Variants in LRRFIP1 observed in about 807,000 individuals in gnomAD.
The protein encoded by LRRFIP1 is LRR binding FLII interacting protein 1.
LRRFIP1 carries 62 observed loss-of-function variants against 104.4 expected under a neutral mutation model. That is an observed-to-expected ratio of 0.59 (90% confidence interval 0.48 to 0.73). The LOEUF is 0.73. Ranked by LOEUF, LRRFIP1 falls within the 30% of genes least tolerant of loss-of-function variation. The pLI is 0.00. For synonymous variants in LRRFIP1, 300 were observed against 299.0 expected (o/e 1.00, Z -0.03); for missense variants, 796 against 824.5 (o/e 0.97, Z 0.42).
At chr2:237,724,269 T>C (rs1474989856) in intron 7 of LRRFIP1, among the ~76,000 whole-genome samples, 1 of 152,246 alleles carries the variant, frequency 6.6e-6, no homozygotes, top group Non-Finnish European at 1.5e-5. Context: ...ACTGAAGTTA[T>C]TGTAGCATAT....
In LRRFIP1 at chr2:237,741,057, T is replaced by A. The variant is rs145010568; in HGVS notation, c.633+1748T>A. Reference sequence around the variant, plus strand: ...TCTGCCCACCTGGCCTCACAGGCATTTGAGTTTGTGTTCCACCCCTCCCCA... The same window carrying A: ...TCTGCCCACCTGGCCTCACAGGCATATGAGTTTGTGTTCCACCCCTCCCCA... On this transcript the variant is annotated intron_variant, in intron 11 of 23. Coordinates refer to ENST00000308482, the MANE Select transcript of LRRFIP1 (RefSeq NM_001137550.2). Among the ~76,000 whole-genome samples the A allele has an allele frequency of 4.4e-3, 673 of 152,300 alleles. 8 individuals carry two copies. Among genetic ancestry groups the A allele is most frequent in the African/African-American group, 0.015 (638 of 41,572 alleles).
intron 1 of LRRFIP1, among the ~76,000 whole-genome samples, chr2:237,657,033 G>A (rs190561905): frequency 1.3e-5 from 2 of 152,190 alleles, no homozygotes; most frequent in Admixed American, 6.5e-5. Flanking sequence ...ATTTTCTGAA[G>A]AAGAGCCCCC....
At chr2:237,779,123 G>A (rs952468497) in intron 23 of LRRFIP1, among the ~76,000 whole-genome samples, 31 of 151,644 alleles carry the variant, frequency 2.0e-4, no homozygotes, top group African/African-American at 7.3e-4. Flanking sequence ...CTGAGGCAGG[G>A]GAATCGCTTG....
chr2:237,666,701 G>A (rs544489696), intron 1 of LRRFIP1, among the ~76,000 whole-genome samples: 13 of 152,140 alleles, frequency 8.5e-5, no homozygotes, highest in African/African-American at 2.7e-4. Flanking sequence ...TGTCCTTGAC[G>A]TCATAGAGTG....
Position 237,779,605 on chromosome 2 carries a change from G to A in LRRFIP1, c.*73G>A. The A allele has an allele frequency of 7.7e-7, 1 of 1,296,122 alleles. No homozygotes were observed. The highest frequency in any genetic ancestry group is 1.1e-6 in the Non-Finnish European group (1 of 909,144). The allele number at this position is 1,296,122 out of a possible 1,614,324, so 80.3% of individuals were successfully genotyped here. A position where few individuals can be genotyped will look rare whatever the true frequency, so the allele number is the denominator to read the frequency against. ...TCATAGGCTTTTCTCTGTCCTATCT[G>A]GGAGCGCTGCTTCTTCCCCTGCCTT... On this transcript the variant is annotated 3_prime_UTR_variant, in exon 24 of 24. Transcript: ENST00000308482.
chr2:237,687,652 G>A (rs1482970713), intron 1 of LRRFIP1, among the ~76,000 whole-genome samples: 3 of 149,388 alleles, frequency 2.0e-5, no homozygotes, highest in Non-Finnish European at 4.4e-5. Context: ...GCAATAACAT[G>A]AATGTAAGCT....
chr2:237,700,987 G>T (rs3754726), intron 1 of LRRFIP1, among the ~76,000 whole-genome samples: 38,057 of 152,176 alleles, frequency 0.25, 5,003 homozygotes, highest in East Asian at 0.36. Context: ...TCACCACAGA[G>T]TTTAAAAGCA....
At chr2:237,746,256 G>A (rs12466006) in intron 11 of LRRFIP1, among the ~76,000 whole-genome samples, 9,262 of 151,916 alleles carry the variant, frequency 0.061, 419 homozygotes, top group East Asian at 0.14. Flanking sequence ...ACAGGGTTTC[G>A]CCGTGTTGGC....
intron 16 of LRRFIP1, among the ~76,000 whole-genome samples, chr2:237,756,706 T>G (rs1448116161): frequency 6.6e-6 from 1 of 152,198 alleles, no homozygotes; most frequent in Non-Finnish European, 1.5e-5. Context: ...TGGTGAACAT[T>G]CCTATTCTTT....
At chr2:237,705,027 G>A (rs1397668833) in intron 1 of LRRFIP1, among the ~76,000 whole-genome samples, 1 of 152,206 alleles carries the variant, frequency 6.6e-6, no homozygotes, top group Non-Finnish European at 1.5e-5. Context: ...GCAGACCCCC[G>A]AGAGCAGCGG....
chr2:237,706,553 T>G (rs902042266), intron 1 of LRRFIP1, among the ~76,000 whole-genome samples: 1 of 152,234 alleles, frequency 6.6e-6, no homozygotes, highest in Non-Finnish European at 1.5e-5. Context: ...GCTGGCCCAT[T>G]GGTAGGGCCG....
intron 1 of LRRFIP1, among the ~76,000 whole-genome samples, chr2:237,653,988 A>C (rs112621560): frequency 5.8e-4 from 89 of 152,368 alleles, no homozygotes; most frequent in African/African-American, 1.9e-3. Context: ...CAGGCAACAA[A>C]AGAAAAAACA....
intron 18 of LRRFIP1, 56 bp from the exon 19 acceptor site, chr2:237,760,006 CAG>C: frequency 2.0e-6 from 3 of 1,510,110 alleles, no homozygotes; most frequent in Non-Finnish European, 2.7e-6. Context: ...TGTATTAAAA[CAG>C]AGTTTAACCT....
At chr2:237,752,001 A>G (rs556652904) in intron 14 of LRRFIP1, among the ~76,000 whole-genome samples, 9 of 152,330 alleles carry the variant, frequency 5.9e-5, no homozygotes, top group African/African-American at 1.4e-4. Flanking sequence ...TTTAATATCA[A>G]AGGGCACCAG....
chr2:237,654,734 A>G (rs1386667982), intron 1 of LRRFIP1, among the ~76,000 whole-genome samples: 2 of 152,124 alleles, frequency 1.3e-5, no homozygotes, highest in Non-Finnish European at 2.9e-5. Flanking sequence ...TATTTTTAGT[A>G]GAGATGGGTT....
chr2:237,767,845 G>T (rs55771995), intron 19 of LRRFIP1, among the ~76,000 whole-genome samples: 1 of 152,194 alleles, frequency 6.6e-6, no homozygotes, highest in Non-Finnish European at 1.5e-5. Context: ...TGTTCTAAAC[G>T]TCTGGGCCCC....
At chr2:237,716,096 T>C (rs943902500) in intron 3 of LRRFIP1, among the ~76,000 whole-genome samples, 1 of 152,212 alleles carries the variant, frequency 6.6e-6, no homozygotes, top group Non-Finnish European at 1.5e-5. Flanking sequence ...AATAATTTTA[T>C]TGTGAATTTA....
Position 237,708,682 on chromosome 2 carries a change from G to T in LRRFIP1, c.183+52G>T, listed in dbSNP as rs773375635. ...CTTTTCACAGTGATTTGCGTGCTGGGCCCAGGGTGCAAGTGCAGGCACCTG... is the reference window on the plus strand; with the variant it reads ...CTTTTCACAGTGATTTGCGTGCTGGTCCCAGGGTGCAAGTGCAGGCACCTG... On this transcript the variant is annotated intron_variant, in intron 2 of 23. Transcript: ENST00000308482. 1.6e-5 allele frequency: 25 copies of T among 1,548,154 alleles called. No individual in the cohort carries two copies. In the East Asian group the frequency reaches 5.9e-4, roughly 37 times the overall value.
chr2:237,748,498 GC>G, intron 12 of LRRFIP1, 99 bp downstream of exon 12: 2 of 1,158,416 alleles, frequency 1.7e-6, no homozygotes, highest in Non-Finnish European at 2.5e-6. Flanking sequence ...ATGTTCCCCA[GC>G]GAGGGAACTG....
Sources: gnomAD v4.1 joint callset for allele counts (sites outside exome capture counted in the v4.1 genomes callset) on GRCh38, gnomAD v4.1.1 for gene constraint, MANE v1.5 for transcripts, NCBI Gene and HGNC (gene_info 2026-07-23, HGNC 2026-07-21) for gene names.